NCALD: variants seen among roughly 807,000 people sequenced by gnomAD.
NCALD encodes neurocalcin-delta.
Under a neutral mutation model 18.6 loss-of-function variants are expected in NCALD, and 10 were observed. The observed-to-expected ratio is 0.54, with a 90% CI of 0.33 to 0.91. NCALD has a LOEUF of 0.91. NCALD is among the 40% of genes least tolerant of loss of function. The pLI, the probability that NCALD is intolerant of heterozygous loss-of-function variation, is 0.03. For missense variants in NCALD, 184 were observed against 247.6 expected, an observed-to-expected ratio of 0.74 and a Z score of 1.72; for synonymous variants, 88 against 87.4, an observed-to-expected ratio of 1.01 and a Z score of -0.04.
chr8:101,943,573 G>A (rs919113917), intron 2 of NCALD, among the ~76,000 whole-genome samples: 1 of 152,184 alleles, frequency 6.6e-6, no homozygotes, highest in African/African-American at 2.4e-5. Flanking sequence ...CCTGGAGCAG[G>A]GGAGAGAGCT....
chr8:101,871,535 G>A (rs754027684), intron 4 of NCALD, among the ~76,000 whole-genome samples: 38 of 151,470 alleles, frequency 2.5e-4, no homozygotes, highest in African/African-American at 8.3e-4. Context: ...TGTGCCAGGG[G>A]AGATGTTCCC....
chr8:101,925,473 T>C (rs1271962937), intron 2 of NCALD, among the ~76,000 whole-genome samples: 1 of 152,126 alleles, frequency 6.6e-6, no homozygotes, highest in African/African-American at 2.4e-5. Context: ...GAATAACCAG[T>C]GTGAGCAATA....
At chr8:101,757,401 T>C (rs1810928133) in intron 1 of NCALD, among the ~76,000 whole-genome samples, 1 of 152,184 alleles carries the variant, frequency 6.6e-6, no homozygotes, top group Admixed American at 6.5e-5. Context: ...CTCCGGAACT[T>C]AAAACAGAGC....
intron 4 of NCALD, among the ~76,000 whole-genome samples, chr8:101,816,049 C>T (rs533996913): frequency 1.1e-4 from 16 of 152,092 alleles, no homozygotes; most frequent in Non-Finnish European, 2.1e-4. Context: ...GAAAAGGCTA[C>T]ATACTGTATG....
intron 1 of NCALD, among the ~76,000 whole-genome samples, chr8:102,042,583 A>C (rs928201779): frequency 6.6e-6 from 1 of 151,984 alleles, no homozygotes; most frequent in African/African-American, 2.4e-5. Context: ...GCCACTCACA[A>C]GAGAGCTGGT....
chr8:101,899,719 G>A (rs1817347177), intron 3 of NCALD, among the ~76,000 whole-genome samples: 2 of 146,824 alleles, frequency 1.4e-5, no homozygotes, highest in Non-Finnish European at 3.0e-5. Flanking sequence ...TTTATCCCTA[G>A]AATAAATATA....
intron 4 of NCALD, among the ~76,000 whole-genome samples, chr8:101,837,167 C>G (rs556460139): frequency 1.3e-5 from 2 of 152,242 alleles, no homozygotes; most frequent in African/African-American, 4.8e-5. Context: ...CTACACAACA[C>G]TCTTGTTTTC....
At chr8:101,693,024 A>G (rs1259631229) in intron 2 of NCALD, 128 bp from the exon 3 acceptor site, 4 of 640,646 alleles carry the variant, frequency 6.2e-6, no homozygotes, top group Non-Finnish European at 1.1e-5. Flanking sequence ...TCCTACCCCT[A>G]TTGATTGGTA....
At chr8:101,695,936 T>C (rs1478233177) in intron 2 of NCALD, among the ~76,000 whole-genome samples, 2 of 152,246 alleles carry the variant, frequency 1.3e-5, no homozygotes, top group Non-Finnish European at 2.9e-5. Context: ...CTCCAATTTA[T>C]AAAGTTCCCC....
intron 1 of NCALD, among the ~76,000 whole-genome samples, chr8:102,080,213 T>G (rs78572396): frequency 0.088 from 13,453 of 152,232 alleles, 1,580 homozygotes; most frequent in African/African-American, 0.27. Context: ...CTATTTCGAC[T>G]TCTCACTTAA....
At chr8:101,973,135 G>T (rs1294036519) in intron 2 of NCALD, among the ~76,000 whole-genome samples, 1 of 152,146 alleles carries the variant, frequency 6.6e-6, no homozygotes, top group Non-Finnish European at 1.5e-5. Flanking sequence ...TTTGCAGAAA[G>T]AAATTTTCTG....
rs561906259 is a variant in NCALD at position 101,768,655 on chromosome 8, A to G, written c.-20+22207T>C. On this transcript the variant is annotated intron_variant, in intron 1 of 3. Coordinates refer to ENST00000220931, the MANE Select transcript of NCALD (RefSeq NM_032041.3). ...ACCCGGGAGGCGGAAGATGCAATGA[A>G]CTGAGATCGTGCAACTGCACTCCAG... 9.2e-5 allele frequency among the ~76,000 whole-genome samples: 14 copies of G among 151,626 alleles called. No individual in the cohort carries two copies. In the South Asian group the frequency reaches 2.1e-3, roughly 23 times the overall value.
intron 2 of NCALD, among the ~76,000 whole-genome samples, chr8:101,940,324 C>T (rs556910252): frequency 2.2e-4 from 33 of 147,784 alleles, no homozygotes; most frequent in Non-Finnish European, 4.3e-4. Context: ...GGGAGATAAA[C>T]ACTAAAGCAA....
chr8:101,967,584 T>C (rs771374440), intron 2 of NCALD, among the ~76,000 whole-genome samples: 2 of 152,124 alleles, frequency 1.3e-5, no homozygotes, highest in Non-Finnish European at 2.9e-5. Context: ...CTGAGACAAC[T>C]ACAGTTTTGC....
intron 4 of NCALD, among the ~76,000 whole-genome samples, chr8:101,850,292 G>T (rs1277671743): frequency 6.6e-6 from 1 of 152,140 alleles, no homozygotes; most frequent in Non-Finnish European, 1.5e-5. Flanking sequence ...TTGTGTCAAG[G>T]CAATTCCAAG....
intron 3 of NCALD, among the ~76,000 whole-genome samples, chr8:101,888,391 TC>T (rs199866304): frequency 1.5e-3 from 231 of 151,612 alleles, no homozygotes; most frequent in African/African-American, 5.2e-3. Context: ...AGCTGGACTT[TC>T]TTTTTTATTT....
intron 1 of NCALD, among the ~76,000 whole-genome samples, chr8:102,067,039 G>A (rs1824031028): frequency 6.6e-6 from 1 of 152,208 alleles, no homozygotes; most frequent in Non-Finnish European, 1.5e-5. Context: ...TTTAAAGGAA[G>A]ATTCCAGAAG....
intron 2 of NCALD, among the ~76,000 whole-genome samples, chr8:101,979,952 G>C (rs1417489962): frequency 6.6e-6 from 1 of 152,140 alleles, no homozygotes; most frequent in African/African-American, 2.4e-5. Flanking sequence ...AGGGCCTGAG[G>C]GGCCTCATGA....
chr8:102,072,271 A>G (rs933096231), intron 1 of NCALD, among the ~76,000 whole-genome samples: 2 of 152,220 alleles, frequency 1.3e-5, no homozygotes, highest in African/African-American at 2.4e-5. Flanking sequence ...AGATGCATAC[A>G]TCAAATGATG....
Sources: gnomAD v4.1 joint callset for allele counts (sites outside exome capture counted in the v4.1 genomes callset) on GRCh38, gnomAD v4.1.1 for gene constraint, MANE v1.5 for transcripts, NCBI Gene and HGNC (gene_info 2026-07-23, HGNC 2026-07-21) for gene names.